PIAS1: variants seen among roughly 807,000 people sequenced by gnomAD.
PIAS1 encodes E3 SUMO-protein ligase PIAS1.
In PIAS1, 6 loss-of-function variants were observed where a neutral mutation model predicts 71.3. That is an observed-to-expected ratio of 0.08 (90% CI 0.05 to 0.17). The LOEUF (loss-of-function observed/expected upper bound fraction) is 0.17. PIAS1 is among the 10% of genes least tolerant of loss of function. The pLI, the probability that PIAS1 is intolerant of heterozygous loss-of-function variation, is 1.00. For synonymous variants in PIAS1, 303 were observed against 292.9 expected, an observed-to-expected ratio of 1.03 and a Z score of -0.35; for missense variants, 555 against 793.6, an observed-to-expected ratio of 0.70 and a Z score of 3.61.
At chr15:68,081,557 C>CA (rs1463507118) in intron 1 of PIAS1, among the ~76,000 whole-genome samples, 3 of 151,100 alleles carry the variant, frequency 2.0e-5, no homozygotes, top group Admixed American at 2.0e-4. Flanking sequence ...TTTATATTCT[C>CA]AAAAAAGAAA....
rs2092961977 is a variant in PIAS1, at chr15:68,167,051, T to C, written c.1008+2247T>C. ...TATGTTGCCCAGGCTGGTCATGGAC[T>C]CCTGGCCTCAAGCAATCCTCCTGCC... On this transcript the variant is annotated intron_variant, in intron 8 of 13. Transcript: ENST00000249636. This position sits in a 1 kb window ranked among gnomAD's most constrained non-coding sequence, Gnocchi z 4.4. Among the ~76,000 whole-genome samples, 1 of 152,184 alleles carries C rather than the reference T, an allele frequency of 6.6e-6. No individual in the cohort carries two copies. Among genetic ancestry groups the C allele is most frequent in the South Asian group, 2.1e-4 (1 of 4,826 alleles).
At position 68,173,712 on chromosome 15, in the gene PIAS1, CT is replaced by C. The variant is rs570825198; in HGVS notation, c.1009-15del. On this transcript the variant is annotated intron_variant, in intron 8 of 13. Transcript: ENST00000249636. This position sits in a 1 kb window ranked among gnomAD's most constrained non-coding sequence, Gnocchi z 4.3. ...TTGAATAGCAATTATCTAATATTTACTTTTTCTCCCTTTTTAAAGCTTGGTA... is the reference window on the plus strand; with the variant it reads ...TTGAATAGCAATTATCTAATATTTACTTTTCTCCCTTTTTAAAGCTTGGTA... The C allele has an allele frequency of 1.7e-4, 259 of 1,495,432 alleles. 3 individuals are homozygous for C. The Middle Eastern group carries it at 9.0e-3, about 52-fold the overall frequency. The allele number at this position is 1,495,432 out of a possible 1,614,324, so 92.6% of individuals were successfully genotyped here.
chr15:68,095,980 A>G (rs951313390), intron 2 of PIAS1, among the ~76,000 whole-genome samples: 1 of 152,008 alleles, frequency 6.6e-6, no homozygotes, highest in Non-Finnish European at 1.5e-5. Context: ...AGATGGAGAT[A>G]TTACAGTACA....
At chr15:68,067,889 A>G (rs1245685281) in intron 1 of PIAS1, among the ~76,000 whole-genome samples, 3 of 152,182 alleles carry the variant, frequency 2.0e-5, no homozygotes, top group African/African-American at 7.2e-5. Flanking sequence ...ACTTGTATCA[A>G]TAGTGTATTT....
At chr15:68,062,845 T>C (rs1052531120) in intron 1 of PIAS1, among the ~76,000 whole-genome samples, 2 of 152,210 alleles carry the variant, frequency 1.3e-5, no homozygotes, top group South Asian at 4.1e-4. Context: ...GTTTGCTTTT[T>C]TTTACAATAG....
intron 1 of PIAS1, among the ~76,000 whole-genome samples, chr15:68,061,106 T>C (rs11636657): frequency 0.47 from 71,035 of 152,166 alleles, 17,132 homozygotes; most frequent in Non-Finnish European, 0.52. Flanking sequence ...GTGCAACATC[T>C]GAAAAGTAGT....
At chr15:68,092,487 T>C (rs2092340764) in intron 2 of PIAS1, among the ~76,000 whole-genome samples, 1 of 152,188 alleles carries the variant, frequency 6.6e-6, no homozygotes. Context: ...ATGAGTGTTA[T>C]TTCTAATGTT....
In PIAS1 at chr15:68,146,567, G is replaced by T; in HGVS notation, c.695G>T (p.Gly232Val). 1.2e-6 allele frequency: 2 copies of T among 1,609,400 alleles called. No homozygotes were observed. Among genetic ancestry groups the T allele is most frequent in the Non-Finnish European group, 1.7e-6 (2 of 1,176,744 alleles). ...KVNTKPCSLP[G>V]YLPPTKNGVE... ...AAATAAATTACATTTCATTTTTAGGGTTACCTTCCACCTACAAAAAATGGC... is the reference window on the plus strand; with the variant it reads ...AAATAAATTACATTTCATTTTTAGGTTTACCTTCCACCTACAAAAAATGGC... The change falls in exon 6 of 14, where the codon GGT becomes GTT. Residue 232 changes from glycine to valine, a missense_variant and splice_region_variant. This residue lies in a region of PIAS1 where 134 missense variants were observed against 203.4 expected (regional missense o/e 0.66). Transcript: ENST00000249636.
rs572335502 is a variant in PIAS1, at chr15:68,178,899, A to G, written c.1481+2245A>G. Among the ~76,000 whole-genome samples, 2 of 152,338 alleles carry G rather than the reference A, an allele frequency of 1.3e-5. No individual in the cohort carries two copies. The highest frequency in any genetic ancestry group is 4.8e-5 in the African/African-American group (2 of 41,572). ...AAAATATTTGGAGAAAATAAAATAA[A>G]TAATGTTTATTATGTTTGGAAAATT... On this transcript the variant is annotated intron_variant, in intron 11 of 13. Transcript: ENST00000249636. This position sits in a 1 kb window ranked among gnomAD's most constrained non-coding sequence, Gnocchi z 4.2.
chr15:68,118,440 G>GA (rs1486875284), intron 2 of PIAS1, among the ~76,000 whole-genome samples: 1 of 152,142 alleles, frequency 6.6e-6, no homozygotes, highest in East Asian at 1.9e-4. Flanking sequence ...GGGCTGAAGT[G>GA]ATCCTCCTGC....
chr15:68,098,529 A>AT (rs1054587751), intron 2 of PIAS1, among the ~76,000 whole-genome samples: 1 of 152,160 alleles, frequency 6.6e-6, no homozygotes, highest in Non-Finnish European at 1.5e-5. Context: ...ATTGTACTTA[A>AT]TTTTTTGATT....
At chr15:68,111,869 G>A (rs2092525504) in intron 2 of PIAS1, among the ~76,000 whole-genome samples, 1 of 151,952 alleles carries the variant, frequency 6.6e-6, no homozygotes, top group Non-Finnish European at 1.5e-5. Context: ...ATTTGTGTGT[G>A]GATTGGGGGT....
At chr15:68,099,665 G>C (rs1053723270) in intron 2 of PIAS1, among the ~76,000 whole-genome samples, 3 of 151,018 alleles carry the variant, frequency 2.0e-5, no homozygotes, top group Non-Finnish European at 4.4e-5. Flanking sequence ...TAAGTATATG[G>C]GTTTTTGGGG....
intron 1 of PIAS1, among the ~76,000 whole-genome samples, chr15:68,073,398 A>G (rs1040542594): frequency 2.0e-5 from 3 of 152,230 alleles, no homozygotes; most frequent in East Asian, 3.8e-4. Context: ...GTTGTTACTC[A>G]TATTTATTAA....
At chr15:68,183,156 T>G (rs184790593) in intron 12 of PIAS1, among the ~76,000 whole-genome samples, 6 of 152,222 alleles carry the variant, frequency 3.9e-5, no homozygotes, top group Admixed American at 6.5e-5. Context: ...TTGAATCTGA[T>G]AGCAAATGAG....
In PIAS1 at chr15:68,187,715, C is replaced by T. The variant is rs765562514; in HGVS notation, c.1836C>T (p.Asn612=). ...PTTNGSSSGS[N]SSLVSSNSLR... Reference sequence around the variant, plus strand: ...CCAATGGAAGCAGTAGTGGCAGTAACAGCAGCCTGGTTTCTTCCAACAGCC... The same window carrying T: ...CCAATGGAAGCAGTAGTGGCAGTAATAGCAGCCTGGTTTCTTCCAACAGCC... Residue 612 remains asparagine, a synonymous_variant, in exon 14 of 14, where the codon AAC becomes AAT. Coordinates refer to ENST00000249636, the MANE Select transcript of PIAS1 (RefSeq NM_016166.3). The surrounding 1 kb of genome is among the most constrained non-coding windows in gnomAD (Gnocchi z 5.3). The T allele has an allele frequency of 2.5e-6, 4 of 1,613,982 alleles. No individual in the cohort carries two copies. Among genetic ancestry groups the T allele is most frequent in the Admixed American group, 1.7e-5 (1 of 60,014 alleles).
intron 2 of PIAS1, among the ~76,000 whole-genome samples, chr15:68,134,629 C>CCA: frequency 4.9e-5 from 2 of 41,012 alleles, no homozygotes; most frequent in South Asian, 7.2e-4. Context: ...CTAACCCCCC[C>CCA]CACCTCCCTC....
At chr15:68,084,162 G>T (rs1189932655) in intron 1 of PIAS1, among the ~76,000 whole-genome samples, 1 of 152,154 alleles carries the variant, frequency 6.6e-6, no homozygotes, top group Non-Finnish European at 1.5e-5. Context: ...CATCAATGCA[G>T]AGTTTACAGT....
At chr15:68,099,466 T>C (rs1362679084) in intron 2 of PIAS1, among the ~76,000 whole-genome samples, 1 of 152,048 alleles carries the variant, frequency 6.6e-6, no homozygotes. Context: ...TGCTAAGTAA[T>C]GATTCATGGT....
Sources: allele counts gnomAD v4.1 joint callset (sites outside exome capture counted in the v4.1 genomes callset), GRCh38; gene constraint gnomAD v4.1.1; regional missense constraint gnomAD v4.1.1; non-coding constraint Gnocchi (gnomAD v3.1); transcripts MANE v1.5; gene names NCBI Gene and HGNC (gene_info 2026-07-23, HGNC 2026-07-21).